VKORC1L1: variants seen among roughly 807,000 people sequenced by gnomAD.
VKORC1L1 encodes the protein vitamin K epoxide reductase complex subunit 1L1.
In VKORC1L1, 2 loss-of-function variants were observed where a neutral mutation model predicts 18.9. The observed-to-expected ratio is 0.11, with a 90% CI of 0.04 to 0.33. VKORC1L1 has a LOEUF of 0.33. Among genes scored for constraint, VKORC1L1 ranks in the 10% least tolerant of loss-of-function variants. The pLI is 1.00. For missense variants in VKORC1L1, 123 were observed against 224.1 expected, an observed-to-expected ratio of 0.55 and a Z score of 2.88; for synonymous variants, 96 against 100.0, an observed-to-expected ratio of 0.96 and a Z score of 0.24.
chr7:65,954,017 CAGAA>C (rs1330644526), intron 2 of VKORC1L1, 53 bp from the exon 3 acceptor site: 9 of 1,483,936 alleles, frequency 6.1e-6, no homozygotes, highest in Middle Eastern at 1.8e-4. Context: ...CCTTGTCACT[CAGAA>C]AGCCTCTCTC....
upstream of VKORC1L1, among the ~76,000 whole-genome samples, chr7:65,868,786 G>A (rs1788691576): frequency 6.6e-6 from 1 of 152,232 alleles, no homozygotes. Flanking sequence ...AGGAGCAACA[G>A]ATATTGGAGA....
intron 1 of VKORC1L1, among the ~76,000 whole-genome samples, chr7:65,933,449 TTTTG>T (rs1789891432): frequency 6.6e-6 from 1 of 152,172 alleles, no homozygotes. Flanking sequence ...GCACGGTACC[TTTTG>T]TTTTTTTTCT....
intron 1 of VKORC1L1, among the ~76,000 whole-genome samples, chr7:65,926,469 C>T (rs974627092): frequency 6.6e-6 from 1 of 152,020 alleles, no homozygotes; most frequent in Non-Finnish European, 1.5e-5. Context: ...AATTTTTAAG[C>T]TTCAAGGGAA....
chr7:65,894,621 G>A (rs138812978), intron 1 of VKORC1L1, among the ~76,000 whole-genome samples: 5,673 of 152,206 alleles, frequency 0.037, 160 homozygotes, highest in East Asian at 0.089. Context: ...CCAGCTACTC[G>A]GGAGGCTGAG....
chr7:65,922,533 C>T (rs1315631290), intron 1 of VKORC1L1, among the ~76,000 whole-genome samples: 1 of 152,232 alleles, frequency 6.6e-6, no homozygotes, highest in African/African-American at 2.4e-5. Flanking sequence ...ATCTGCCCGC[C>T]TCAGCCTCCC....
chr7:65,942,981 A>G (rs530942585), intron 1 of VKORC1L1, among the ~76,000 whole-genome samples: 2 of 152,360 alleles, frequency 1.3e-5, no homozygotes, highest in African/African-American at 2.4e-5. Flanking sequence ...CATATAAACA[A>G]TATATACTGA....
At chr7:65,927,655 A>G (rs1789788490) in intron 1 of VKORC1L1, among the ~76,000 whole-genome samples, 1 of 152,108 alleles carries the variant, frequency 6.6e-6, no homozygotes. Context: ...TTGGCTGAGT[A>G]CTGCAGGTTT....
At chr7:65,872,347 C>CT (rs1172808457), upstream of VKORC1L1, among the ~76,000 whole-genome samples, 1 of 151,116 alleles carries the variant, frequency 6.6e-6, no homozygotes, top group African/African-American at 2.4e-5. Context: ...GACTCTTACT[C>CT]TATCGCCCAG....
intron 1 of VKORC1L1, among the ~76,000 whole-genome samples, chr7:65,927,229 G>A (rs1789780597): frequency 6.6e-6 from 1 of 152,136 alleles, no homozygotes; most frequent in African/African-American, 2.4e-5. Flanking sequence ...AAAGGTTGCA[G>A]TGAGCCAAGA....
chr7:65,938,151 T>C (rs1198952779), intron 1 of VKORC1L1, among the ~76,000 whole-genome samples: 1 of 151,912 alleles, frequency 6.6e-6, no homozygotes. Flanking sequence ...GAGGTTACAG[T>C]GAGCAGAGAT....
chr7:65,934,735 CA>C, intron 1 of VKORC1L1, among the ~76,000 whole-genome samples: 1 of 152,060 alleles, frequency 6.6e-6, no homozygotes, highest in Non-Finnish European at 1.5e-5. Flanking sequence ...AAGAATCTTA[CA>C]AATGTTAAAG....
chr7:65,880,919 A>T lies in VKORC1L1; in HGVS notation c.194+7354A>T, dbSNP rs200874311. 1.5e-4 allele frequency among the ~76,000 whole-genome samples: 23 copies of T among 152,276 alleles called. No individual in the cohort carries two copies. The East Asian group carries it at 4.1e-3, about 27-fold the overall frequency. On this transcript the variant is annotated intron_variant, in intron 1 of 2. Transcript: ENST00000360768. The stretch of plus-strand genomic sequence containing the variant: ...TATAAAGTTATTGTACAGGTTGAGG[A>T]TCCCTAATCCGAAAATCCAAAATCT...
chr7:65,874,303 TGGAGTAAA>T (rs1487024549), intron 1 of VKORC1L1, among the ~76,000 whole-genome samples: 4 of 151,964 alleles, frequency 2.6e-5, no homozygotes, highest in Non-Finnish European at 5.9e-5. Flanking sequence ...TAAGCTTCAT[TGGAGTAAA>T]GGACAAGTAT....
intron 1 of VKORC1L1, among the ~76,000 whole-genome samples, chr7:65,938,027 G>T (rs1259628279): frequency 6.6e-6 from 1 of 151,066 alleles, no homozygotes; most frequent in Admixed American, 6.6e-5. Context: ...TGCCAACATG[G>T]TGAAACCCCG....
intron 1 of VKORC1L1, among the ~76,000 whole-genome samples, chr7:65,943,506 A>T (rs1367231874): frequency 1.3e-5 from 2 of 152,192 alleles, no homozygotes; most frequent in South Asian, 4.1e-4. Flanking sequence ...AGCATCTTAC[A>T]TGTACCCATC....
At chr7:65,918,328 A>G (rs1376094216) in intron 1 of VKORC1L1, among the ~76,000 whole-genome samples, 1 of 152,254 alleles carries the variant, frequency 6.6e-6, no homozygotes, top group Non-Finnish European at 1.5e-5. Context: ...GTTTCACATA[A>G]AGGACACAGA....
intron 1 of VKORC1L1, among the ~76,000 whole-genome samples, chr7:65,896,117 T>C (rs1272821451): frequency 6.7e-6 from 1 of 150,362 alleles, no homozygotes; most frequent in Non-Finnish European, 1.5e-5. Context: ...TTGGCCAGGC[T>C]CGTTTTGAAC....
intron 1 of VKORC1L1, among the ~76,000 whole-genome samples, chr7:65,932,525 AT>A (rs1389083549): frequency 4.6e-5 from 7 of 152,126 alleles, no homozygotes; most frequent in Admixed American, 3.9e-4. Flanking sequence ...ACCAATTTTA[AT>A]TTGTTATATT....
chr7:65,873,957 T>C (rs1461101635), intron 1 of VKORC1L1, among the ~76,000 whole-genome samples: 2 of 151,962 alleles, frequency 1.3e-5, no homozygotes, highest in Non-Finnish European at 2.9e-5. Flanking sequence ...GCCGGGGGTG[T>C]GGGACCTTGT....
Sources: allele counts gnomAD v4.1 joint callset (sites outside exome capture counted in the v4.1 genomes callset), GRCh38; gene constraint gnomAD v4.1.1; transcripts MANE v1.5; gene names NCBI Gene and HGNC (gene_info 2026-07-23, HGNC 2026-07-21).